Variants in CDH18 observed in about 807,000 individuals in gnomAD.
CDH18 encodes the protein cadherin-18.
A neutral mutation model predicts 67.9 loss-of-function variants in CDH18; 31 were observed. The observed-to-expected ratio is 0.46, with a 90% confidence interval of 0.34 to 0.62. The LOEUF is 0.62. Among genes scored for constraint, CDH18 ranks in the 20% least tolerant of loss-of-function variants. CDH18 has a pLI of 0.01. For synonymous variants in CDH18, 362 were observed against 347.2 expected (o/e 1.04, Z -0.48); for missense variants, 890 against 975.5 (o/e 0.91, Z 1.17).
At chr5:20,343,061 C>G (rs1397667757) in intron 1 of CDH18, among the ~76,000 whole-genome samples, 3 of 152,142 alleles carry the variant, frequency 2.0e-5, no homozygotes, top group Admixed American at 6.5e-5. Flanking sequence ...TGCAGTCACT[C>G]AACTAAAATA....
intron 2 of CDH18, among the ~76,000 whole-genome samples, chr5:19,853,285 A>T (rs1357057538): frequency 6.6e-6 from 1 of 152,092 alleles, no homozygotes; most frequent in Admixed American, 6.6e-5. Context: ...GGGCAGAGAC[A>T]GAGGAAGCTC....
At chr5:19,964,281 A>G (rs2150314178) in intron 2 of CDH18, among the ~76,000 whole-genome samples, 1 of 152,174 alleles carries the variant, frequency 6.6e-6, no homozygotes, top group Admixed American at 6.6e-5. Flanking sequence ...CATGCAGACA[A>G]GTTGAAATGA....
chr5:20,156,419 T>C (rs1347421889), intron 2 of CDH18, among the ~76,000 whole-genome samples: 2 of 152,138 alleles, frequency 1.3e-5, no homozygotes, highest in East Asian at 3.9e-4. Context: ...TGAAATAATG[T>C]TCTTTGCAAC....
chr5:19,800,718 C>G (rs1466744223), intron 3 of CDH18, among the ~76,000 whole-genome samples: 2 of 152,016 alleles, frequency 1.3e-5, no homozygotes, highest in East Asian at 3.9e-4. Flanking sequence ...AAAATAGACT[C>G]TGGTTAAAAC....
rs990384269 is a variant in CDH18, at chr5:19,593,818, AG to A, written c.812-2575del. ...TTTGGAAATAAGCCTTTTAGCAGAC[AG>A]GGCTTGCAAATATTTCATTCCACTT... On this transcript the variant is annotated intron_variant, in intron 6 of 12. Transcript: ENST00000382275. Among the ~76,000 whole-genome samples, 12 of 150,822 alleles carry A rather than the reference AG, an allele frequency of 8.0e-5. 1 individual carries two copies. Among genetic ancestry groups the A allele is most frequent in the African/African-American group, 2.7e-4 (11 of 40,978 alleles).
At chr5:20,110,456 G>A (rs1020064840) in intron 2 of CDH18, among the ~76,000 whole-genome samples, 1 of 152,158 alleles carries the variant, frequency 6.6e-6, no homozygotes, top group African/African-American at 2.4e-5. Context: ...GCCGAGGTGG[G>A]TGGATTACCT....
chr5:19,988,094 A>T lies in CDH18; in HGVS notation c.-384T>A, dbSNP rs932874283. On this transcript the variant is annotated 5_prime_UTR_variant, in exon 1 of 13. Coordinates refer to ENST00000382275, the MANE Select transcript of CDH18 (RefSeq NM_004934.5). ...ATTTATTGAAGCCTTACCTTGGCGG[A>T]CTTGCCCTAACTGGTGGAAAGGAAC... The T allele has an allele frequency of 2.0e-5, 3 of 152,190 alleles. No individual in the cohort carries two copies. The South Asian group carries it at 6.2e-4, about 32-fold the overall frequency. 9.4% of individuals were successfully genotyped at this position (152,190 alleles called of 1,614,324 possible). A position where few individuals can be genotyped will look rare whatever the true frequency, so the allele number is the denominator to read the frequency against.
intron 1 of CDH18, among the ~76,000 whole-genome samples, chr5:20,370,763 G>A (rs1159509571): frequency 1.3e-5 from 2 of 152,118 alleles, no homozygotes; most frequent in Admixed American, 6.6e-5. Flanking sequence ...TGGCAGCTGG[G>A]CACAGTGGCT....
intron 1 of CDH18, among the ~76,000 whole-genome samples, chr5:20,565,431 C>T (rs544138164): frequency 7.2e-5 from 11 of 152,128 alleles, no homozygotes; most frequent in South Asian, 2.1e-4. Context: ...TTAGCTGTGG[C>T]GGTTAATTAA....
At chr5:20,238,595 C>G (rs1046183485) in intron 2 of CDH18, among the ~76,000 whole-genome samples, 1 of 152,070 alleles carries the variant, frequency 6.6e-6, no homozygotes, top group South Asian at 2.1e-4. Flanking sequence ...AACTCTCATA[C>G]CCCACTGGTG....
rs1754315847 is a variant in CDH18, at chr5:19,643,454, A to G, written c.644-30853T>C. Among the ~76,000 whole-genome samples the G allele has an allele frequency of 2.6e-5, 4 of 152,304 alleles. 1 individual carries two copies. In the South Asian group the frequency reaches 8.3e-4, roughly 32 times the overall value. ...TCTAAATATCTATTGATAGATCAAT[A>G]AAGAAAACGTGGTTTATTTATGCAA... is the stretch of plus-strand genomic sequence containing the variant. On this transcript the variant is annotated intron_variant, in intron 5 of 12. Coordinates refer to ENST00000382275, the MANE Select transcript of CDH18 (RefSeq NM_004934.5).
At chr5:19,814,918 A>G (rs917788027) in intron 3 of CDH18, among the ~76,000 whole-genome samples, 1 of 151,862 alleles carries the variant, frequency 6.6e-6, no homozygotes, top group Non-Finnish European at 1.5e-5. Context: ...ATGATAATAT[A>G]AAGTTCACAA....
chr5:19,480,218 G>A (rs1739169119), intron 12 of CDH18, among the ~76,000 whole-genome samples: 5 of 152,124 alleles, frequency 3.3e-5, no homozygotes, highest in Admixed American at 3.3e-4. Context: ...AGAGATCCAG[G>A]GTAATTGTTG....
chr5:19,679,347 A>G (rs1289039705), intron 5 of CDH18, among the ~76,000 whole-genome samples: 1 of 152,004 alleles, frequency 6.6e-6, no homozygotes, highest in Admixed American at 6.6e-5. Flanking sequence ...AGCCAACATC[A>G]TATGGAATAG....
intron 11 of CDH18, among the ~76,000 whole-genome samples, chr5:19,496,647 A>ATTTT (rs1742376095): frequency 1.3e-5 from 2 of 152,030 alleles, no homozygotes; most frequent in African/African-American, 4.8e-5. Flanking sequence ...CCCTGTCTCC[A>ATTTT]CTAAAAATAC....
intron 2 of CDH18, among the ~76,000 whole-genome samples, chr5:20,096,042 G>C (rs1745963219): frequency 6.6e-6 from 1 of 151,950 alleles, no homozygotes; most frequent in African/African-American, 2.4e-5. Flanking sequence ...TGTTACATTA[G>C]AATCAAAGAA....
At chr5:20,567,968 A>T (rs1758607652) in intron 1 of CDH18, among the ~76,000 whole-genome samples, 1 of 152,236 alleles carries the variant, frequency 6.6e-6, no homozygotes, top group Non-Finnish European at 1.5e-5. Flanking sequence ...AGTTTAGATC[A>T]CATTTTCGAG....
At chr5:19,737,547 T>G (rs1768507926) in intron 4 of CDH18, among the ~76,000 whole-genome samples, 1 of 152,190 alleles carries the variant, frequency 6.6e-6, no homozygotes. Context: ...TTTCTCTCTG[T>G]GCCTGATCAC....
At chr5:19,644,668 T>TA (rs1042539071) in intron 5 of CDH18, among the ~76,000 whole-genome samples, 8 of 151,436 alleles carry the variant, frequency 5.3e-5, no homozygotes, top group African/African-American at 1.5e-4. Flanking sequence ...ATATGGATCC[T>TA]AAAAAAAAAT....
Sources: allele counts gnomAD v4.1 joint callset (sites outside exome capture counted in the v4.1 genomes callset), GRCh38; gene constraint gnomAD v4.1.1; transcripts MANE v1.5; gene names NCBI Gene and HGNC (gene_info 2026-07-23, HGNC 2026-07-21).